The following FREM2 variants were observed in gnomAD, a reference collection of about 807,000 sequenced individuals.
FREM2 encodes the protein FRAS1 related extracellular matrix 2, also known as FRAS1-related extracellular matrix protein 2.
FREM2 carries 119 observed loss-of-function variants against 219.9 expected under a neutral mutation model. The ratio of observed to expected loss-of-function variants is 0.54; its 90% confidence interval spans 0.47 to 0.63. The LOEUF (loss-of-function observed/expected upper bound fraction) is 0.63, where lower values mean the gene tolerates loss of function less well. Ranked by LOEUF, FREM2 falls within the 30% of genes least tolerant of loss-of-function variation. FREM2 has a pLI of 0.00. For synonymous variants in FREM2, 1,562 were observed against 1,522.8 expected, an observed-to-expected ratio of 1.03 and a Z score of -0.60; for missense variants, 4,030 against 3,993.6, an observed-to-expected ratio of 1.01 and a Z score of -0.25.
chr13:38,824,647 A>G (rs1337104831), intron 6 of FREM2, among the ~76,000 whole-genome samples: 1 of 151,524 alleles, frequency 6.6e-6, no homozygotes, highest in Non-Finnish European at 1.5e-5. Context: ...TGTCCTCTTG[A>G]GCTGAGTTGG....
chr13:38,749,736 T>A (rs1390932497), intron 2 of FREM2, among the ~76,000 whole-genome samples: 1 of 152,112 alleles, frequency 6.6e-6, no homozygotes, highest in Non-Finnish European at 1.5e-5. Flanking sequence ...TCGCCAAACA[T>A]TCCCCAAAGG....
chr13:38,690,731 A>G lies in FREM2; in HGVS notation c.3387A>G (p.Ala1129=). 1.2e-6 allele frequency: 2 copies of G among 1,614,160 alleles called. No individual in the cohort carries two copies. Among genetic ancestry groups the G allele is most frequent in the Admixed American group, 1.7e-5 (1 of 60,036 alleles). ...CACCAGGCTCTGAGAAATCAAGAGC[A>G]GGGATTGCCATAAGTGCTTTCAACT... ...SPAPGSEKSR[A]GIAISAFNLK... is the part of the protein sequence containing the mutation. The change falls in exon 1 of 24, where the codon GCA becomes GCG. Residue 1129 remains alanine (A), a synonymous_variant. Transcript: ENST00000280481.
At chr13:38,824,719 A>G (rs1876206167) in intron 6 of FREM2, among the ~76,000 whole-genome samples, 1 of 152,048 alleles carries the variant, frequency 6.6e-6, no homozygotes, top group Admixed American at 6.6e-5. Context: ...GCTGTTAGAT[A>G]CACACAAAAC....
In FREM2 at chr13:38,762,071, G is replaced by A. The variant is rs540506645; in HGVS notation, c.5264-2233G>A. On this transcript the variant is annotated intron_variant, in intron 2 of 23. Coordinates refer to ENST00000280481, the MANE Select transcript of FREM2 (RefSeq NM_207361.6). ...GCTTGGGCATGCGTGGCGTGGCAGG[G>A]CAGAGTGAGCTTGCATTTGTTGAAT... 1.2e-4 allele frequency among the ~76,000 whole-genome samples: 18 copies of A among 152,290 alleles called. 1 individual carries two copies. In the South Asian group the frequency reaches 3.7e-3, roughly 32 times the overall value.
chr13:38,768,635 G>A (rs1873536516), intron 3 of FREM2, among the ~76,000 whole-genome samples: 1 of 152,080 alleles, frequency 6.6e-6, no homozygotes, highest in African/African-American at 2.4e-5. Flanking sequence ...AAATGCTCAG[G>A]TTTAGAGAAA....
At chr13:38,739,703 G>A (rs1225338304) in intron 2 of FREM2, among the ~76,000 whole-genome samples, 1 of 152,114 alleles carries the variant, frequency 6.6e-6, no homozygotes, top group African/African-American at 2.4e-5. Flanking sequence ...CACCCAGGAC[G>A]GAGAGCCTTA....
At chr13:38,782,968 G>A (rs1874174111) in intron 4 of FREM2, 102 bp from the exon 5 acceptor site, 1 of 1,383,204 alleles carries the variant, frequency 7.2e-7, no homozygotes, top group Non-Finnish European at 1.0e-6. Flanking sequence ...GAATATTCAA[G>A]GGGGAAAAAT....
At chr13:38,791,818 G>A (rs1394674293) in intron 6 of FREM2, among the ~76,000 whole-genome samples, 1 of 152,082 alleles carries the variant, frequency 6.6e-6, no homozygotes, top group African/African-American at 2.4e-5. Flanking sequence ...TATTTCATTT[G>A]GCTTCTATCT....
In FREM2 at chr13:38,880,892, T is replaced by C. The variant is rs184138174; in HGVS notation, c.*105T>C. 2.3e-5 allele frequency: 30 copies of C among 1,293,734 alleles called. No individual in the cohort carries two copies. In the African/African-American group the frequency reaches 3.5e-4, roughly 15 times the overall value. 80.1% of individuals were successfully genotyped at this position (1,293,734 alleles called of 1,614,324 possible). The stretch of plus-strand genomic sequence containing the variant: ...CATAGAGAATGGAGGATGGCTGTGA[T>C]GAAGCTGCTTAGAGAATATGACTGT... On this transcript the variant is annotated 3_prime_UTR_variant, in exon 24 of 24. Coordinates refer to ENST00000280481, the MANE Select transcript of FREM2 (RefSeq NM_207361.6).
chr13:38,817,724 A>G (rs1450740029), intron 6 of FREM2, among the ~76,000 whole-genome samples: 3 of 152,158 alleles, frequency 2.0e-5, no homozygotes, highest in African/African-American at 7.2e-5. Context: ...TATCAAACTA[A>G]AAAGCTTTTC....
chr13:38,864,394 A>G lies in FREM2; in HGVS notation c.7771A>G (p.Thr2591Ala). 1 of 1,613,926 alleles carries G rather than the reference A, an allele frequency of 6.2e-7. No homozygotes were observed. The highest frequency in any genetic ancestry group is 8.5e-7 in the Non-Finnish European group (1 of 1,179,868). ...CCTCCTGGATTATACTGAAGTGAAGACTCATTATGGTTTCTTGACTGATGC... is the reference window on the plus strand; with the variant it reads ...CCTCCTGGATTATACTGAAGTGAAGGCTCATTATGGTTTCTTGACTGATGC... ...SNLLDYTEVK[T>A]HYGFLTDATK... The change falls in exon 16 of 24, where the codon ACT (threonine) becomes GCT (alanine). Residue 2591 changes from threonine (T) to alanine (A), a missense_variant. By Grantham distance (58) the Thr-to-Ala change is moderately conservative. This residue lies in a region of FREM2 where 928 missense variants were observed against 1,042.9 expected (regional missense o/e 0.89). Coordinates refer to ENST00000280481, the MANE Select transcript of FREM2 (RefSeq NM_207361.6).
chr13:38,862,703 C>A (rs1877806420), intron 15 of FREM2, among the ~76,000 whole-genome samples: 2 of 152,092 alleles, frequency 1.3e-5, no homozygotes, highest in South Asian at 4.1e-4. Flanking sequence ...TATGCCAGGG[C>A]TCAACACACT....
Position 38,691,204 on chromosome 13 carries a change from C to G in FREM2, c.3860C>G (p.Ser1287Cys). 2 of 1,613,970 alleles carry G rather than the reference C, an allele frequency of 1.2e-6. No individual in the cohort carries two copies. Among genetic ancestry groups the G allele is most frequent in the African/African-American group, 2.7e-5 (2 of 74,980 alleles). Reference protein sequence around the residue: ...FVIKLTDGKHSVEKTVLIIVI... With the variant: ...FVIKLTDGKHCVEKTVLIIVI... ...ATTAAACTAACAGATGGGAAGCACT[C>G]TGTGGAAAAGACGGTCCTCATTATA... Residue 1287 changes from serine to cysteine, a missense_variant, in exon 1 of 24, where the codon TCT becomes TGT. Ser to Cys is a moderately radical substitution (Grantham distance 112). This residue lies in a region of FREM2 where 3,102 missense variants were observed against 2,950.7 expected (regional missense o/e 1.05). Coordinates refer to ENST00000280481, the MANE Select transcript of FREM2 (RefSeq NM_207361.6).
At chr13:38,859,006 GAATAAGGATAACTGGCA>G (rs1254100808) in intron 13 of FREM2, among the ~76,000 whole-genome samples, 3 of 151,792 alleles carry the variant, frequency 2.0e-5, no homozygotes, top group Non-Finnish European at 2.9e-5. Context: ...AAAAAAGAGA[GAATAAGGATAACTGGCA>G]AATCTGATGA....
chr13:38,785,967 A>C (rs1183310145), intron 6 of FREM2, among the ~76,000 whole-genome samples: 1 of 152,214 alleles, frequency 6.6e-6, no homozygotes, highest in Non-Finnish European at 1.5e-5. Flanking sequence ...TTCATAGGGT[A>C]CATAATGATG....
chr13:38,776,392 G>A (rs1401010163), intron 4 of FREM2, among the ~76,000 whole-genome samples: 2 of 152,090 alleles, frequency 1.3e-5, no homozygotes, highest in African/African-American at 4.8e-5. Context: ...AGCAGAGTCT[G>A]TTTATTTTTT....
intron 2 of FREM2, among the ~76,000 whole-genome samples, chr13:38,751,864 C>CTG (rs59365871): frequency 0.027 from 3,532 of 130,296 alleles, 97 homozygotes; most frequent in African/African-American, 0.1. Flanking sequence ...TGTACTTACT[C>CTG]TGTGTGTGTG....
At chr13:38,746,994 A>G (rs1872511861) in intron 2 of FREM2, among the ~76,000 whole-genome samples, 1 of 152,094 alleles carries the variant, frequency 6.6e-6, no homozygotes, top group African/African-American at 2.4e-5. Flanking sequence ...ATTCTAGTGC[A>G]GACCTTGCTC....
chr13:38,854,734 G>C (rs1877492586), intron 11 of FREM2, among the ~76,000 whole-genome samples: 1 of 151,724 alleles, frequency 6.6e-6, no homozygotes, highest in Non-Finnish European at 1.5e-5. Context: ...TAGAGACAGA[G>C]AACTAATTTT....
Sources: gnomAD v4.1 joint callset for allele counts (sites outside exome capture counted in the v4.1 genomes callset) on GRCh38, gnomAD v4.1.1 for gene constraint, gnomAD v4.1.1 regional missense constraint, MANE v1.5 for transcripts, NCBI Gene and HGNC (gene_info 2026-07-23, HGNC 2026-07-21) for gene names.